The following CEP112 variants were observed in gnomAD, a reference collection of about 807,000 sequenced individuals.
The protein encoded by CEP112 is centrosomal protein of 112 kDa.
In CEP112, 127 loss-of-function variants were observed where a neutral mutation model predicts 153.0. The observed-to-expected ratio is 0.83, with a 90% CI of 0.72 to 0.96. CEP112 has a LOEUF of 0.96. Ranked by LOEUF, CEP112 falls within the 40% of genes least tolerant of loss-of-function variation. CEP112 has a pLI of 0.00. For synonymous variants in CEP112, 358 were observed against 374.4 expected (o/e 0.96, Z 0.51); for missense variants, 1,089 against 1,101.2 (o/e 0.99, Z 0.16).
intron 20 of CEP112, among the ~76,000 whole-genome samples, chr17:65,878,207 G>A (rs928772427): frequency 1.3e-5 from 2 of 152,092 alleles, no homozygotes; most frequent in Non-Finnish European, 2.9e-5. Context: ...AAGAAGGAAG[G>A]AAGGAAGGGA....
At chr17:65,793,967 G>T (rs1398730197) in intron 21 of CEP112, among the ~76,000 whole-genome samples, 2 of 152,138 alleles carry the variant, frequency 1.3e-5, no homozygotes, top group Non-Finnish European at 2.9e-5. Flanking sequence ...TATTCCTGAT[G>T]AAACAAAAAG....
intron 23 of CEP112, among the ~76,000 whole-genome samples, chr17:65,700,088 CTCCTCCTCCTCT>C (rs774677015): frequency 4.7e-5 from 7 of 150,058 alleles, no homozygotes; most frequent in Non-Finnish European, 8.9e-5. Flanking sequence ...ATGCTTTCTG[CTCCTCCTCCTCT>C]TCCTCCTCCT....
intron 24 of CEP112, among the ~76,000 whole-genome samples, chr17:65,656,492 G>A (rs1313069472): frequency 6.6e-6 from 1 of 152,178 alleles, no homozygotes; most frequent in African/African-American, 2.4e-5. Flanking sequence ...TAGACCAGGG[G>A]TCAACAAACT....
intron 23 of CEP112, among the ~76,000 whole-genome samples, chr17:65,738,193 G>C (rs1258971249): frequency 6.6e-6 from 1 of 152,140 alleles, no homozygotes; most frequent in African/African-American, 2.4e-5. Context: ...AAAAGGCCTA[G>C]TATAAACACT....
chr17:65,651,348 T>C (rs1295351130), intron 24 of CEP112, among the ~76,000 whole-genome samples: 2 of 152,206 alleles, frequency 1.3e-5, no homozygotes, highest in Non-Finnish European at 2.9e-5. Flanking sequence ...GATGGACATC[T>C]GGGTTGGTTC....
chr17:66,033,513 T>C (rs1055255918), intron 12 of CEP112, among the ~76,000 whole-genome samples: 3 of 152,184 alleles, frequency 2.0e-5, no homozygotes, highest in Admixed American at 1.3e-4. Context: ...CATACAGGCC[T>C]CCATGCTGTT....
At chr17:65,644,962 T>C (rs185313899) in intron 24 of CEP112, among the ~76,000 whole-genome samples, 58 of 152,302 alleles carry the variant, frequency 3.8e-4, no homozygotes, top group African/African-American at 1.4e-3. Flanking sequence ...ATTTTCTTTT[T>C]CCTTCATTTA....
At chr17:65,747,507 G>A (rs756352557) in intron 22 of CEP112, among the ~76,000 whole-genome samples, 6 of 152,164 alleles carry the variant, frequency 3.9e-5, no homozygotes, top group Non-Finnish European at 8.8e-5. Context: ...ATGGCCACTA[G>A]GTGACTAGGC....
chr17:65,639,188 G>T (rs978046240), intron 25 of CEP112, among the ~76,000 whole-genome samples: 1 of 152,012 alleles, frequency 6.6e-6, no homozygotes, highest in Non-Finnish European at 1.5e-5. Flanking sequence ...TTTACTAGGG[G>T]AATATAAAAG....
At chr17:66,187,963 C>A (rs2146947308) in intron 1 of CEP112, among the ~76,000 whole-genome samples, 1 of 152,196 alleles carries the variant, frequency 6.6e-6, no homozygotes, top group East Asian at 1.9e-4. Context: ...CCCCCATAAA[C>A]CAATACATCA....
At chr17:66,038,093 T>C (rs1206919703) in intron 12 of CEP112, among the ~76,000 whole-genome samples, 2 of 24,176 alleles carry the variant, frequency 8.3e-5, no homozygotes, top group Admixed American at 3.9e-4. Flanking sequence ...AGAGCAAGAC[T>C]CTGTCTCAAA....
intron 17 of CEP112, among the ~76,000 whole-genome samples, chr17:65,989,788 C>T (rs903815298): frequency 7.9e-5 from 12 of 152,062 alleles, no homozygotes; most frequent in Admixed American, 6.6e-4. Context: ...AAAAGACAAA[C>T]CTATAAAAAA....
At chr17:66,025,010 C>G (rs2065142661) in intron 16 of CEP112, among the ~76,000 whole-genome samples, 1 of 152,138 alleles carries the variant, frequency 6.6e-6, no homozygotes, top group Non-Finnish European at 1.5e-5. Context: ...TGATCTTTGA[C>G]AAAGTCAACA....
intron 17 of CEP112, among the ~76,000 whole-genome samples, chr17:65,977,632 C>T (rs1333448817): frequency 6.6e-6 from 1 of 152,100 alleles, no homozygotes; most frequent in East Asian, 1.9e-4. Context: ...GCAGATTCCC[C>T]AATGTGGGGT....
At chr17:66,164,861 A>AT (rs1437881401) in intron 4 of CEP112, among the ~76,000 whole-genome samples, 1 of 144,784 alleles carries the variant, frequency 6.9e-6, no homozygotes, top group East Asian at 2.1e-4. Flanking sequence ...TCTCAAAAAA[A>AT]ATATATATAT....
chr17:65,966,457 C>T (rs1568304933), intron 17 of CEP112, among the ~76,000 whole-genome samples: 1 of 152,188 alleles, frequency 6.6e-6, no homozygotes, highest in Non-Finnish European at 1.5e-5. Flanking sequence ...ATGTATAAGG[C>T]TTCACATTAC....
At chr17:65,973,760 G>A (rs536950538) in intron 17 of CEP112, among the ~76,000 whole-genome samples, 1 of 152,290 alleles carries the variant, frequency 6.6e-6, no homozygotes, top group South Asian at 2.1e-4. Context: ...TGGCATGAGA[G>A]CAGGAGAGAA....
At chr17:66,175,002 T>C in intron 4 of CEP112, 42 bp downstream of exon 4, 1 of 1,370,052 alleles carries the variant, frequency 7.3e-7, no homozygotes, top group Non-Finnish European at 9.7e-7. Flanking sequence ...AAAGACAGAC[T>C]AAATGATGAA....
chr17:66,033,031 C>CAAGA (rs1442754416), intron 12 of CEP112, among the ~76,000 whole-genome samples: 3 of 143,996 alleles, frequency 2.1e-5, no homozygotes, highest in Non-Finnish European at 4.6e-5. Context: ...GAAAAAGAAG[C>CAAGA]AAGAAAGATT....
Sources: allele counts gnomAD v4.1 joint callset (sites outside exome capture counted in the v4.1 genomes callset), GRCh38; gene constraint gnomAD v4.1.1; transcripts MANE v1.5; gene names NCBI Gene and HGNC (gene_info 2026-07-23, HGNC 2026-07-21).